Variants in SYT1 observed in about 807,000 individuals in gnomAD.
The protein encoded by SYT1 is synaptotagmin-1.
SYT1 carries 8 observed loss-of-function variants against 44.8 expected under a neutral mutation model. The observed-to-expected ratio is 0.18, with a 90% CI of 0.10 to 0.32. The LOEUF is 0.32. Among genes scored for constraint, SYT1 ranks in the 10% least tolerant of loss-of-function variants. The pLI, the probability that SYT1 is intolerant of heterozygous loss-of-function variation, is 1.00. For missense variants in SYT1, 286 were observed against 509.3 expected (o/e 0.56, Z 4.22); for synonymous variants, 154 against 188.8 (o/e 0.82, Z 1.51).
At chr12:79,325,125 A>T (rs555366743) in intron 8 of SYT1, among the ~76,000 whole-genome samples, 4 of 152,280 alleles carry the variant, frequency 2.6e-5, no homozygotes, top group African/African-American at 9.6e-5. Context: ...TCCGATTCCT[A>T]TTCAAGTATC....
intron 3 of SYT1, among the ~76,000 whole-genome samples, chr12:79,167,800 A>G (rs997263165): frequency 1.3e-5 from 2 of 152,038 alleles, no homozygotes; most frequent in African/African-American, 2.4e-5. Flanking sequence ...TTCATGGAAG[A>G]CAATTTTTCC....
chr12:78,956,687 C>T (rs1879237018), intron 1 of SYT1, among the ~76,000 whole-genome samples: 1 of 151,442 alleles, frequency 6.6e-6, no homozygotes. Flanking sequence ...GATTTGACTC[C>T]GTATATATAA....
At chr12:79,140,773 C>G (rs1010059795) in intron 3 of SYT1, among the ~76,000 whole-genome samples, 4 of 152,282 alleles carry the variant, frequency 2.6e-5, no homozygotes, top group African/African-American at 9.6e-5. Context: ...TGCACTGATT[C>G]CTTCACAATT....
intron 1 of SYT1, among the ~76,000 whole-genome samples, chr12:78,919,476 G>A (rs1206501681): frequency 6.6e-6 from 1 of 152,040 alleles, no homozygotes; most frequent in Non-Finnish European, 1.5e-5. Flanking sequence ...TGACCCCTGG[G>A]CTGTCCTGCC....
chr12:78,945,513 T>G (rs1302354967), intron 1 of SYT1, among the ~76,000 whole-genome samples: 1 of 151,718 alleles, frequency 6.6e-6, no homozygotes, highest in Non-Finnish European at 1.5e-5. Flanking sequence ...TCTTTCTTTA[T>G]AAAATTACAC....
intron 1 of SYT1, among the ~76,000 whole-genome samples, chr12:78,895,376 AT>A (rs1379726784): frequency 6.6e-6 from 1 of 151,688 alleles, no homozygotes. Flanking sequence ...GTAAAATAAT[AT>A]TTGTTTTGGC....
At chr12:78,940,747 C>T (rs921901199) in intron 1 of SYT1, among the ~76,000 whole-genome samples, 4 of 151,994 alleles carry the variant, frequency 2.6e-5, no homozygotes, top group Non-Finnish European at 5.9e-5. Flanking sequence ...TGGATGACTC[C>T]TTGGAGTTTA....
chr12:79,310,508 G>T (rs1160440991), intron 8 of SYT1, among the ~76,000 whole-genome samples: 3 of 152,076 alleles, frequency 2.0e-5, no homozygotes, highest in Non-Finnish European at 4.4e-5. Context: ...AGGCTCTTTT[G>T]GTTCCATATG....
At chr12:79,299,341 A>G (rs753235740) in intron 7 of SYT1, 43 bp from the exon 8 acceptor site, 1 of 1,601,434 alleles carries the variant, frequency 6.2e-7, no homozygotes, top group East Asian at 2.2e-5. Context: ...TGTTTTAAGC[A>G]TTTTTGTGAC....
chr12:79,066,476 T>C (rs1875862336), intron 3 of SYT1, among the ~76,000 whole-genome samples: 2 of 145,908 alleles, frequency 1.4e-5, no homozygotes, highest in Non-Finnish European at 3.0e-5. Flanking sequence ...ATCTCTTGGT[T>C]TGAAAAAAAA....
intron 8 of SYT1, among the ~76,000 whole-genome samples, chr12:79,344,047 T>C (rs2139057703): frequency 6.6e-6 from 1 of 152,218 alleles, no homozygotes; most frequent in Non-Finnish European, 1.5e-5. Context: ...ATCATGGAAA[T>C]ATATGATTTC....
At chr12:78,981,561 G>A (rs376652185) in intron 2 of SYT1, among the ~76,000 whole-genome samples, 1 of 152,052 alleles carries the variant, frequency 6.6e-6, no homozygotes, top group African/African-American at 2.4e-5. Context: ...ATGGAGTGAA[G>A]GGAGAACTAA....
chr12:79,437,887 T>C (rs1471843130), intron 9 of SYT1, among the ~76,000 whole-genome samples: 1 of 152,134 alleles, frequency 6.6e-6, no homozygotes, highest in Non-Finnish European at 1.5e-5. Flanking sequence ...AAATCTGATA[T>C]ACTCATAAAA....
At chr12:79,192,995 C>T (rs1873222132) in intron 3 of SYT1, among the ~76,000 whole-genome samples, 1 of 152,090 alleles carries the variant, frequency 6.6e-6, no homozygotes, top group South Asian at 2.1e-4. Flanking sequence ...AGGGCAGTTC[C>T]ATTCAGGTGA....
intron 3 of SYT1, among the ~76,000 whole-genome samples, chr12:79,124,195 C>A (rs753325402): frequency 2.0e-5 from 3 of 152,178 alleles, no homozygotes; most frequent in Non-Finnish European, 4.4e-5. Flanking sequence ...CTAAACATAG[C>A]CAGAAGTAGG....
At chr12:79,159,370 G>A (rs1870804683) in intron 3 of SYT1, among the ~76,000 whole-genome samples, 1 of 152,160 alleles carries the variant, frequency 6.6e-6, no homozygotes. Flanking sequence ...AGACAGAATG[G>A]CTGGGAAGGT....
chr12:78,915,612 T>A (rs1361447765), intron 1 of SYT1, among the ~76,000 whole-genome samples: 1 of 152,046 alleles, frequency 6.6e-6, no homozygotes, highest in Admixed American at 6.6e-5. Flanking sequence ...TATCTATAGA[T>A]GTATTGAATG....
chr12:79,309,489 C>G (rs1880653487), intron 8 of SYT1, among the ~76,000 whole-genome samples: 1 of 151,742 alleles, frequency 6.6e-6, no homozygotes, highest in Non-Finnish European at 1.5e-5. Context: ...GGGTGGAAAA[C>G]TTATTAGAAA....
chr12:79,350,594 G>A (rs1882857738), intron 8 of SYT1, among the ~76,000 whole-genome samples: 1 of 152,012 alleles, frequency 6.6e-6, no homozygotes, highest in Admixed American at 6.6e-5. Context: ...TAAACTTCAA[G>A]TCCCTCATCC....
Sources: allele counts gnomAD v4.1 joint callset (sites outside exome capture counted in the v4.1 genomes callset), GRCh38; gene constraint gnomAD v4.1.1; transcripts MANE v1.5; gene names NCBI Gene and HGNC (gene_info 2026-07-23, HGNC 2026-07-21).